TMEM116: variants seen among roughly 807,000 people sequenced by gnomAD.
TMEM116 encodes transmembrane protein 116.
In TMEM116, 38 loss-of-function variants were observed where a neutral mutation model predicts 44.3. The observed-to-expected ratio is 0.86, with a 90% CI of 0.66 to 1.12. The LOEUF (loss-of-function observed/expected upper bound fraction) is 1.12, where lower values mean the gene tolerates loss of function less well. Ranked by LOEUF, TMEM116 falls within the 50% of genes most tolerant of loss-of-function variation. The pLI is 0.00. For missense variants in TMEM116, 354 were observed against 401.7 expected (o/e 0.88, Z 1.01); for synonymous variants, 132 against 144.8 (o/e 0.91, Z 0.64).
chr12:111,998,593 C>G (rs1007575701), intron 3 of TMEM116, among the ~76,000 whole-genome samples: 1 of 152,140 alleles, frequency 6.6e-6, no homozygotes, highest in African/African-American at 2.4e-5. Flanking sequence ...CCGAGGCGAG[C>G]AGATCACCTG....
In TMEM116 at chr12:111,936,743, A is replaced by G; in HGVS notation, c.537T>C (p.Tyr179=). Reference sequence around the variant, plus strand: ...AGCTGCCCAGGAAAATGGCGATACCATAAAAATAAAGTGTGCTACAGACAG... The same window carrying G: ...AGCTGCCCAGGAAAATGGCGATACCGTAAAAATAAAGTGTGCTACAGACAG... ...NTSVCSTLYF[Y]GIAIFLGSFV... The change falls in exon 8 of 11, where the codon TAT becomes TAC. Residue 179 remains tyrosine (Y), a synonymous_variant. Transcript: ENST00000552374. The G allele has an allele frequency of 6.2e-7, 1 of 1,614,138 alleles. No individual in the cohort carries two copies. The highest frequency in any genetic ancestry group is 2.2e-5 in the East Asian group (1 of 44,884).
intron 4 of TMEM116, among the ~76,000 whole-genome samples, chr12:111,967,172 C>A (rs1448463456): frequency 6.6e-6 from 1 of 152,036 alleles, no homozygotes; most frequent in African/African-American, 2.4e-5. Flanking sequence ...ATTAGAATGG[C>A]AATGATTTTC....
rs1370551489 is a variant in TMEM116 at position 111,991,738 on chromosome 12, G to A, written c.210+20C>T. The A allele has an allele frequency of 6.5e-7, 1 of 1,532,538 alleles. No individual in the cohort carries two copies. Among genetic ancestry groups the A allele is most frequent in the Non-Finnish European group, 8.7e-7 (1 of 1,144,920 alleles). 94.9% of individuals were successfully genotyped at this position (1,532,538 alleles called of 1,614,324 possible). ...GTGTGCCTTTCTTGCAAGGTGCAGT[G>A]ACAGTCTTGTAGCACTCACCTGTCC... On this transcript the variant is annotated intron_variant, in intron 4 of 10. Transcript: ENST00000552374.
chr12:112,001,560 G>C (rs1398109246), intron 3 of TMEM116, among the ~76,000 whole-genome samples: 1 of 152,184 alleles, frequency 6.6e-6, no homozygotes, highest in Non-Finnish European at 1.5e-5. Flanking sequence ...GGTAAAGGCT[G>C]CCAAACGTCC....
chr12:111,993,782 C>T, intron 3 of TMEM116: 2 of 725,734 alleles, frequency 2.8e-6, no homozygotes, highest in Non-Finnish European at 5.2e-6. Flanking sequence ...ACATTTGTAG[C>T]AGGTTACATA....
intron 4 of TMEM116, among the ~76,000 whole-genome samples, chr12:111,981,288 A>C (rs1436763247): frequency 1.3e-5 from 2 of 152,122 alleles, no homozygotes; most frequent in East Asian, 3.9e-4. Flanking sequence ...AAATTTACAA[A>C]ACCCAGGGGA....
rs1205776683 is a variant in TMEM116, at chr12:111,937,186, A to T, written c.423T>A (p.Cys141Ter). The change falls in exon 7 of 11, where the codon TGT (cysteine) becomes TGA (stop). Residue 141 changes from cysteine to a stop codon, truncating the protein, a stop_gained. Transcript: ENST00000552374. LOFTEE classifies it high-confidence loss of function. ...PVFCLGNTSE[C>*]FQNFSQSHKC... The stretch of plus-strand genomic sequence containing the variant: ...TGTGGCTCTGACTGAAGTTTTGGAA[A>T]CATTCACTAGTATTTCCCAGACAGA... 1 of 1,613,934 alleles carries T rather than the reference A, an allele frequency of 6.2e-7. No individual in the cohort carries two copies. The highest frequency in any genetic ancestry group is 1.7e-5 in the Admixed American group (1 of 60,020).
chr12:111,936,519 G>A (rs774272204), intron 8 of TMEM116, 173 bp downstream of exon 8: 10 of 595,998 alleles, frequency 1.7e-5, no homozygotes, highest in Non-Finnish European at 2.8e-5. Context: ...TTGATTTGGG[G>A]AAGTGCAAAA....
intron 4 of TMEM116, among the ~76,000 whole-genome samples, chr12:111,947,119 T>C (rs760599036): frequency 5.3e-5 from 8 of 151,976 alleles, no homozygotes; most frequent in Non-Finnish European, 1.0e-4. Context: ...GGTTTTTAAT[T>C]AAAGTGTTAA....
intron 4 of TMEM116, among the ~76,000 whole-genome samples, chr12:111,972,965 C>T (rs1177955849): frequency 6.6e-6 from 1 of 151,894 alleles, no homozygotes; most frequent in Non-Finnish European, 1.5e-5. Context: ...TGGTGAAACC[C>T]CATCTCTACT....
In TMEM116 at chr12:111,991,862, A is replaced by G; in HGVS notation, c.106T>C (p.Cys36Arg). Residue 36 changes from cysteine (C) to arginine (R), a missense_variant, in exon 4 of 11, where the codon TGT becomes CGT. Cys to Arg is a radical substitution (Grantham distance 180, BLOSUM62 -3). Coordinates refer to ENST00000552374, the MANE Select transcript of TMEM116 (RefSeq NM_001193531.2). Reference sequence around the variant, plus strand: ...CAGCAAAGTCCCAGGAGCAGGTCACAGAAGCTCAGATAAAAAAGTGGTCTT... The same window carrying G: ...CAGCAAAGTCCCAGGAGCAGGTCACGGAAGCTCAGATAAAAAAGTGGTCTT... Reference protein sequence around the residue: ...EIRPLFYLSFCDLLLGLCWLT... With the variant: ...EIRPLFYLSFRDLLLGLCWLT... 3 of 1,536,030 alleles carry G rather than the reference A, an allele frequency of 2.0e-6. No homozygotes were observed. The highest frequency in any genetic ancestry group is 2.6e-6 in the Non-Finnish European group (3 of 1,146,590).
intron 4 of TMEM116, among the ~76,000 whole-genome samples, chr12:111,963,514 T>C (rs2074758243): frequency 6.6e-6 from 1 of 152,174 alleles, no homozygotes; most frequent in South Asian, 2.1e-4. Context: ...TGAGTTTATG[T>C]CCTTTGCAGG....
chr12:111,963,303 C>A (rs2074737362), intron 4 of TMEM116, among the ~76,000 whole-genome samples: 1 of 152,160 alleles, frequency 6.6e-6, no homozygotes, highest in Non-Finnish European at 1.5e-5. Flanking sequence ...TACCATTTGA[C>A]CCAGCAATCC....
rs2077518854 is a variant in TMEM116 at position 112,005,314 on chromosome 12, CA to C, written c.-33-12del. 1 of 1,294,964 alleles carries C rather than the reference CA, an allele frequency of 7.7e-7. No homozygotes were observed. Among genetic ancestry groups the C allele is most frequent in the Non-Finnish European group, 9.8e-7 (1 of 1,022,502 alleles). The allele number at this position is 1,294,964 out of a possible 1,614,324, so 80.2% of individuals were successfully genotyped here. On this transcript the variant is annotated splice_polypyrimidine_tract_variant and intron_variant, in intron 1 of 10. Transcript: ENST00000552374. ...TATTGCAGGAAGAACCTAAGCAAAACAAGGAAAACGGAATAAAATTAAACCT... is the reference window on the plus strand; with the variant it reads ...TATTGCAGGAAGAACCTAAGCAAAACAGGAAAACGGAATAAAATTAAACCT...
chr12:112,008,350 G>A (rs1238107375), intron 1 of TMEM116, among the ~76,000 whole-genome samples: 5 of 152,078 alleles, frequency 3.3e-5, no homozygotes, highest in African/African-American at 4.8e-5. Flanking sequence ...GTATGGTGGC[G>A]GGCGCCTGTA....
chr12:111,970,526 T>C (rs960992509), intron 4 of TMEM116, among the ~76,000 whole-genome samples: 4 of 150,774 alleles, frequency 2.7e-5, no homozygotes, highest in African/African-American at 9.8e-5. Context: ...AAAAACCCAA[T>C]GAATCAAAAG....
chr12:111,940,776 C>T (rs1312249756), intron 5 of TMEM116, among the ~76,000 whole-genome samples: 7 of 151,972 alleles, frequency 4.6e-5, no homozygotes, highest in African/African-American at 1.7e-4. Context: ...AAAATTATTG[C>T]CCCATGTTTT....
intron 4 of TMEM116, among the ~76,000 whole-genome samples, chr12:111,975,364 C>T (rs1215375486): frequency 6.6e-6 from 1 of 152,144 alleles, no homozygotes; most frequent in Admixed American, 6.5e-5. Context: ...CTAGGTTATT[C>T]AGTCTGATCT....
At chr12:112,003,002 T>C (rs1349754403) in intron 3 of TMEM116, among the ~76,000 whole-genome samples, 1 of 152,252 alleles carries the variant, frequency 6.6e-6, no homozygotes, top group African/African-American at 2.4e-5. Context: ...AATTTGATCT[T>C]TTTGGTATGA....
Sources: gnomAD v4.1 joint callset for allele counts (sites outside exome capture counted in the v4.1 genomes callset) on GRCh38, gnomAD v4.1.1 for gene constraint, MANE v1.5 for transcripts, NCBI Gene and HGNC (gene_info 2026-07-23, HGNC 2026-07-21) for gene names.